Variants in ESR1 observed in about 807,000 individuals in gnomAD.
ESR1 encodes estrogen receptor.
A neutral mutation model predicts 52.7 loss-of-function variants in ESR1; 12 were observed. The ratio of observed to expected loss-of-function variants is 0.23; its 90% CI spans 0.15 to 0.37. The LOEUF (loss-of-function observed/expected upper bound fraction) is 0.37, where lower values mean the gene tolerates loss of function less well. ESR1 is among the 10% of genes least tolerant of loss of function. The probability of loss-of-function intolerance (pLI) is 1.00; values close to 1 mark genes in which losing one functional copy is unlikely to be tolerated. For synonymous variants in ESR1, 305 were observed against 316.8 expected (o/e 0.96, Z 0.39); for missense variants, 584 against 779.7 (o/e 0.75, Z 2.99).
chr6:151,661,189 A>G (rs1240889925), intron 1 of ESR1, among the ~76,000 whole-genome samples: 4 of 152,246 alleles, frequency 2.6e-5, no homozygotes, highest in African/African-American at 7.2e-5. Context: ...CACCATGTGG[A>G]TATCATGGGG....
intron 1 of ESR1, among the ~76,000 whole-genome samples, chr6:151,833,195 G>A (rs1047121611): frequency 6.6e-6 from 1 of 152,170 alleles, no homozygotes; most frequent in African/African-American, 2.4e-5. Flanking sequence ...TCACAGGGAA[G>A]GGTAGGGCTG....
intron 2 of ESR1, among the ~76,000 whole-genome samples, chr6:151,723,309 T>G (rs964127364): frequency 3.3e-5 from 5 of 152,182 alleles, no homozygotes; most frequent in African/African-American, 1.2e-4. Context: ...TTTCTCTCTG[T>G]TTCCTCTTCA....
At chr6:152,084,925 A>C (rs73781096) in intron 6 of ESR1, among the ~76,000 whole-genome samples, 1 of 152,196 alleles carries the variant, frequency 6.6e-6, no homozygotes, top group East Asian at 1.9e-4. Flanking sequence ...AAGGTCTCCT[A>C]TGAAAACCAT....
chr6:151,680,691 A>C (rs1442798375), intron 1 of ESR1, among the ~76,000 whole-genome samples: 1 of 152,092 alleles, frequency 6.6e-6, no homozygotes, highest in African/African-American at 2.4e-5. Flanking sequence ...GGGGGACACA[A>C]ATCTTTCAGT....
At chr6:151,894,498 T>G (rs1323735928) in intron 3 of ESR1, among the ~76,000 whole-genome samples, 1 of 152,212 alleles carries the variant, frequency 6.6e-6, no homozygotes, top group Non-Finnish European at 1.5e-5. Context: ...TGACGTTAAC[T>G]TCTAGAATTT....
chr6:152,097,163 GAC>G (rs141441506), intron 7 of ESR1, among the ~76,000 whole-genome samples: 5 of 149,892 alleles, frequency 3.3e-5, no homozygotes, highest in South Asian at 4.2e-4. Flanking sequence ...CTCTCTCTCT[GAC>G]ACACACACAC....
upstream of ESR1, among the ~76,000 whole-genome samples, chr6:151,686,958 C>T (rs981457160): frequency 2.6e-4 from 39 of 152,204 alleles, no homozygotes; most frequent in African/African-American, 8.7e-4. Flanking sequence ...GTTATCTCAG[C>T]TCATGGGCTT....
At chr6:151,793,512 A>T (rs542002458) in intron 2 of ESR1, among the ~76,000 whole-genome samples, 47 of 152,344 alleles carry the variant, frequency 3.1e-4, no homozygotes, top group African/African-American at 1.1e-3. Context: ...TATCATAATC[A>T]TTATGTACTG....
At chr6:152,048,240 C>A (rs541669110) in intron 5 of ESR1, among the ~76,000 whole-genome samples, 1 of 151,420 alleles carries the variant, frequency 6.6e-6, no homozygotes, top group Non-Finnish European at 1.5e-5. Context: ...GGCGTGGTGG[C>A]ATGTGCCTGA....
At chr6:151,939,381 C>T (rs1016647311) in intron 3 of ESR1, among the ~76,000 whole-genome samples, 2 of 152,148 alleles carry the variant, frequency 1.3e-5, no homozygotes, top group Non-Finnish European at 2.9e-5. Context: ...TATGTTGCTG[C>T]TCTACTAACA....
intron 3 of ESR1, among the ~76,000 whole-genome samples, chr6:151,941,017 G>A (rs2034993364): frequency 6.6e-6 from 1 of 152,102 alleles, no homozygotes; most frequent in Non-Finnish European, 1.5e-5. Context: ...GTAATACTAC[G>A]TTTCGTTTTG....
intron 6 of ESR1, among the ~76,000 whole-genome samples, chr6:152,073,517 G>T (rs145166580): frequency 2.2e-4 from 33 of 152,294 alleles, no homozygotes; most frequent in African/African-American, 7.9e-4. Flanking sequence ...ACTCTTAAAA[G>T]ATGCCAGTTC....
intron 6 of ESR1, among the ~76,000 whole-genome samples, chr6:152,114,506 T>TAG (rs2051183382): frequency 1.3e-5 from 2 of 152,164 alleles, no homozygotes; most frequent in South Asian, 4.1e-4. Context: ...GATGAAAACC[T>TAG]AGAGCAAAGT....
intron 2 of ESR1, among the ~76,000 whole-genome samples, chr6:151,874,488 A>G (rs1305509968): frequency 6.6e-6 from 1 of 152,218 alleles, no homozygotes; most frequent in Non-Finnish European, 1.5e-5. Context: ...TTAGGAAGTT[A>G]TGATAAAGGA....
chr6:151,983,167 A>G (rs9371235), intron 4 of ESR1, among the ~76,000 whole-genome samples: 2 of 152,140 alleles, frequency 1.3e-5, no homozygotes, highest in Non-Finnish European at 2.9e-5. Context: ...AACAAGTGCT[A>G]TAATAGACTC....
chr6:151,880,163 C>T (rs867169487), intron 2 of ESR1, among the ~76,000 whole-genome samples: 2 of 146,788 alleles, frequency 1.4e-5, no homozygotes, highest in Admixed American at 6.9e-5. Context: ...ATTAAGTCCA[C>T]GGGAGGTTTT....
At chr6:152,090,303 T>G (rs567585480) in intron 6 of ESR1, among the ~76,000 whole-genome samples, 1 of 152,328 alleles carries the variant, frequency 6.6e-6, no homozygotes, top group Admixed American at 6.5e-5. Flanking sequence ...AATTGTGACT[T>G]GAGGAATTTT....
rs904155055 is a variant in ESR1 at position 152,094,847 on chromosome 6, G to C, written c.1553+279G>C. The stretch of plus-strand genomic sequence containing the variant: ...GGCAGTGGTTTAGAGATTGGGTGCA[G>C]TGTGCAAATAGGAGGAGGGGGCCAA... On this transcript the variant is annotated intron_variant, in intron 7 of 7. Coordinates refer to ENST00000206249, the MANE Select transcript of ESR1 (RefSeq NM_000125.4). This position sits in a 1 kb window ranked among gnomAD's most constrained non-coding sequence, Gnocchi z 4.6. Among the ~76,000 whole-genome samples, 1 of 152,204 alleles carries C rather than the reference G, an allele frequency of 6.6e-6. No homozygotes were observed. The highest frequency in any genetic ancestry group is 2.4e-5 in the African/African-American group (1 of 41,446).
At chr6:152,086,404 TA>T (rs906721022) in intron 6 of ESR1, among the ~76,000 whole-genome samples, 6 of 148,090 alleles carry the variant, frequency 4.1e-5, no homozygotes, top group South Asian at 2.1e-4. Flanking sequence ...TTTATTTAAA[TA>T]AATAATATTT....
Sources: allele counts gnomAD v4.1 joint callset (sites outside exome capture counted in the v4.1 genomes callset), GRCh38; gene constraint gnomAD v4.1.1; non-coding constraint Gnocchi (gnomAD v3.1); transcripts MANE v1.5; gene names NCBI Gene and HGNC (gene_info 2026-07-23, HGNC 2026-07-21).